Variants in PLEKHG4B observed in about 807,000 individuals in gnomAD.
PLEKHG4B encodes pleckstrin homology and RhoGEF domain containing G4B.
In PLEKHG4B, 111 loss-of-function variants were observed where a neutral mutation model predicts 121.3. The observed-to-expected ratio is 0.92, with a 90% CI of 0.78 to 1.07. The LOEUF is 1.07. Among genes scored for constraint, PLEKHG4B ranks in the 50% least tolerant of loss-of-function variants. PLEKHG4B has a pLI of 0.00. For synonymous variants in PLEKHG4B, 738 were observed against 725.0 expected, an observed-to-expected ratio of 1.02 and a Z score of -0.29; for missense variants, 1,831 against 1,757.8, an observed-to-expected ratio of 1.04 and a Z score of -0.74.
chr5:154,961 C>T lies in PLEKHG4B; in HGVS notation c.2079C>T (p.Tyr693=). The change falls in exon 8 of 20, where the codon TAC becomes TAT. Residue 693 remains tyrosine, a synonymous_variant. Transcript: ENST00000637938. The part of the protein sequence containing the change: ...LTADLDGSFP[Y]SHGDWICFRQ... ...CAGACCTCGACGGCTCCTTTCCCTA[C>T]AGCCATGGTGACTGGATCTGCTTCC... 2 of 1,613,472 alleles carry T rather than the reference C, an allele frequency of 1.2e-6. No homozygotes were observed. Among genetic ancestry groups the T allele is most frequent in the African/African-American group, 2.7e-5 (2 of 75,068 alleles).
At chr5:169,182 T>G in intron 13 of PLEKHG4B, 158 bp from the exon 14 acceptor site, 2 of 1,034,978 alleles carry the variant, frequency 1.9e-6, no homozygotes, top group Non-Finnish European at 2.8e-6. Flanking sequence ...CCGGAAGCTT[T>G]TTTATCGTGC....
intron 2 of PLEKHG4B, among the ~76,000 whole-genome samples, chr5:132,968 T>A (rs1028738887): frequency 6.6e-6 from 1 of 152,232 alleles, no homozygotes; most frequent in Admixed American, 6.5e-5. Context: ...ATTGAATTTG[T>A]AAATTGCTTT....
At chr5:150,353 G>A (rs144605160) in intron 6 of PLEKHG4B, among the ~76,000 whole-genome samples, 1 of 152,172 alleles carries the variant, frequency 6.6e-6, no homozygotes, top group African/African-American at 2.4e-5. Context: ...CCAGGAGCAG[G>A]GGGTAATGGA....
intron 2 of PLEKHG4B, among the ~76,000 whole-genome samples, chr5:135,570 G>C (rs964335277): frequency 6.8e-5 from 10 of 148,074 alleles, no homozygotes; most frequent in Non-Finnish European, 1.3e-4. Context: ...GGAGGCTGAG[G>C]CAGGAGAATG....
intron 6 of PLEKHG4B, among the ~76,000 whole-genome samples, chr5:146,396 G>A (rs1238413715): frequency 1.6e-5 from 2 of 123,190 alleles, no homozygotes; most frequent in Non-Finnish European, 3.4e-5. Flanking sequence ...ACAAGCTGTA[G>A]CCCTCCATCC....
chr5:103,676 G>A (rs186561653), intron 1 of PLEKHG4B, among the ~76,000 whole-genome samples: 106 of 152,338 alleles, frequency 7.0e-4, no homozygotes, highest in Middle Eastern at 6.8e-3. Context: ...GATCAGGGTA[G>A]TTGGGATATT....
At position 140,316 on chromosome 5, in the gene PLEKHG4B, C is replaced by T; in HGVS notation, c.1077C>T (p.Ala359=). ...RRWFRESYME[A]LRNPMPLGSS... The stretch of plus-strand genomic sequence containing the variant: ...GGTTCAGGGAGTCGTACATGGAAGC[C>T]TTGCGGAACCCCATGCCCCTGGGCA... Residue 359 remains alanine (A), a synonymous_variant, in exon 3 of 20, where the codon GCC becomes GCT. Coordinates refer to ENST00000637938, the MANE Select transcript of PLEKHG4B (RefSeq NM_052909.5). 1 of 1,508,054 alleles carries T rather than the reference C, an allele frequency of 6.6e-7. No homozygotes were observed. Among genetic ancestry groups the T allele is most frequent in the Non-Finnish European group, 8.8e-7 (1 of 1,130,824 alleles). The allele number at this position is 1,508,054 out of a possible 1,614,324, so 93.4% of individuals were successfully genotyped here.
In PLEKHG4B at chr5:103,068, C is replaced by T. The variant is rs1733871040; in HGVS notation, c.46-10183C>T. On this transcript the variant is annotated intron_variant, in intron 1 of 19. Coordinates refer to ENST00000637938, the MANE Select transcript of PLEKHG4B (RefSeq NM_052909.5). ...TGTTCCCTCCCTGGGCCCGATCCTT[C>T]CCTGGCCCAGGACAGGAGCCTTGCC... 2.0e-5 allele frequency among the ~76,000 whole-genome samples: 3 copies of T among 152,200 alleles called. No individual in the cohort carries two copies. The South Asian group carries it at 6.2e-4, about 31-fold the overall frequency.
chr5:182,176 A>G lies in PLEKHG4B; in HGVS notation c.4737A>G (p.Leu1579=), dbSNP rs11747660. The G allele has an allele frequency of 0.1, 168,286 of 1,613,852 alleles. 9,946 individuals carry two copies. Among genetic ancestry groups the G allele is most frequent in the Non-Finnish European group, 0.11 (134,589 of 1,180,014 alleles). Residue 1579 remains leucine (L), a synonymous_variant, in exon 20 of 20, where the codon CTA becomes CTG. Coordinates refer to ENST00000637938, the MANE Select transcript of PLEKHG4B (RefSeq NM_052909.5). ...LVSSSPAHPG[L]WSPAHSPWSS... ...CCTCCAGCCCAGCCCACCCGGGCCT[A>G]TGGAGCCCTGCCCACAGCCCCTGGT...
In PLEKHG4B at chr5:143,394, C is replaced by T. The variant is rs1160405258; in HGVS notation, c.1702C>T (p.His568Tyr). The part of the protein sequence containing the change: ...VVTLPGTRDR[H>Y]GRAVVQVRTR... ...TGTCTCCGCAGGGACCCGAGACCGT[C>T]ATGGCAGAGCAGTGGTGCAGGTCCG... The change falls in exon 5 of 20, where the codon CAT becomes TAT. Residue 568 changes from histidine (H) to tyrosine (Y), a missense_variant. His to Tyr is a moderately conservative substitution (Grantham distance 83, BLOSUM62 2). Coordinates refer to ENST00000637938, the MANE Select transcript of PLEKHG4B (RefSeq NM_052909.5). The T allele has an allele frequency of 6.2e-7, 1 of 1,612,700 alleles. No homozygotes were observed.
At position 164,863 on chromosome 5, in the gene PLEKHG4B, C is replaced by T. The variant is rs564920261; in HGVS notation, c.3476+1315C>T. On this transcript the variant is annotated intron_variant, in intron 13 of 19. Coordinates refer to ENST00000637938, the MANE Select transcript of PLEKHG4B (RefSeq NM_052909.5). ...ACTAATGCTGTGACAGGGGGCGGGG[C>T]TCACAGTAATGCTCTGACGGGGCGG... 4.7e-3 allele frequency among the ~76,000 whole-genome samples: 608 copies of T among 128,992 alleles called. 12 individuals carry two copies. The highest frequency in any genetic ancestry group is 7.6e-3 in the Non-Finnish European group (447 of 59,026). The allele number at this position is 128,992 out of a possible 152,430, so 84.6% of individuals were successfully genotyped here.
At chr5:169,695 T>C in intron 14 of PLEKHG4B, 103 bp downstream of exon 14, 2 of 1,513,216 alleles carry the variant, frequency 1.3e-6, no homozygotes, top group South Asian at 2.5e-5. Context: ...TTGGAATAGC[T>C]TCAGTCCAGG....
At chr5:140,737 C>G in intron 3 of PLEKHG4B, 21 bp downstream of exon 3, 3 of 1,521,424 alleles carry the variant, frequency 2.0e-6, no homozygotes, top group Non-Finnish European at 2.6e-6. Flanking sequence ...CCCACGCCCT[C>G]CCCTGCGCAC....
rs1437042575 is a variant in PLEKHG4B at position 140,358 on chromosome 5, C to T, written c.1119C>T (p.Leu373=). ...PMPLGSSEEA[L]GDLACSSLTG... is the part of the protein sequence containing the mutation. Reference sequence around the variant, plus strand: ...CCCTGGGCAGCTCTGAGGAGGCCCTCGGGGACCTGGCCTGCAGCTCCCTGA... The same window carrying T: ...CCCTGGGCAGCTCTGAGGAGGCCCTTGGGGACCTGGCCTGCAGCTCCCTGA... Residue 373 remains leucine, a synonymous_variant, in exon 3 of 20, where the codon CTC becomes CTT. Transcript: ENST00000637938. 5 of 1,551,428 alleles carry T rather than the reference C, an allele frequency of 3.2e-6. No homozygotes were observed. Among genetic ancestry groups the T allele is most frequent in the Non-Finnish European group, 4.4e-6 (5 of 1,148,648 alleles).
intron 2 of PLEKHG4B, among the ~76,000 whole-genome samples, chr5:123,251 T>TA (rs925492196): frequency 6.6e-6 from 1 of 152,080 alleles, no homozygotes; most frequent in Admixed American, 6.6e-5. Context: ...CTCAATAACA[T>TA]AAAAGAGATA....
intron 2 of PLEKHG4B, among the ~76,000 whole-genome samples, chr5:114,434 A>C (rs1050095738): frequency 1.1e-4 from 17 of 152,140 alleles, no homozygotes; most frequent in Admixed American, 6.6e-5. Context: ...CAGCATCTTC[A>C]TCAGGAGCAG....
chr5:114,552 G>A (rs1023024073), intron 2 of PLEKHG4B, among the ~76,000 whole-genome samples: 5 of 152,086 alleles, frequency 3.3e-5, no homozygotes, highest in Non-Finnish European at 1.5e-5. Context: ...CCGCCACCCA[G>A]GTTCAAGCAA....
chr5:110,248 A>G (rs889821130), intron 1 of PLEKHG4B, among the ~76,000 whole-genome samples: 40 of 148,656 alleles, frequency 2.7e-4, no homozygotes, highest in African/African-American at 6.8e-4. Context: ...ACTCTGCAAC[A>G]CACATGCACA....
At chr5:104,227 A>G (rs181604736) in intron 1 of PLEKHG4B, among the ~76,000 whole-genome samples, 3,066 of 146,518 alleles carry the variant, frequency 0.021, 55 homozygotes, top group Non-Finnish European at 0.031. Context: ...TTCCTAAACA[A>G]CCTCAGCCCA....
Sources: gnomAD v4.1 joint callset for allele counts (sites outside exome capture counted in the v4.1 genomes callset) on GRCh38, gnomAD v4.1.1 for gene constraint, MANE v1.5 for transcripts, NCBI Gene and HGNC (gene_info 2026-07-23, HGNC 2026-07-21) for gene names.